Variants in DSCAML1 observed in about 807,000 individuals in gnomAD.
DSCAML1 encodes the protein cell adhesion molecule DSCAML1.
In DSCAML1, 38 loss-of-function variants were observed where a neutral mutation model predicts 200.5. The ratio of observed to expected loss-of-function variants is 0.19; its 90% CI spans 0.15 to 0.25. DSCAML1 has a LOEUF of 0.25. Ranked by LOEUF, DSCAML1 falls within the 10% of genes least tolerant of loss-of-function variation. The pLI, the probability that DSCAML1 is intolerant of heterozygous loss-of-function variation, is 1.00. For synonymous variants in DSCAML1, 1,215 were observed against 1,165.0 expected, an observed-to-expected ratio of 1.04 and a Z score of -0.87; for missense variants, 2,223 against 2,858.8, an observed-to-expected ratio of 0.78 and a Z score of 5.07.
At chr11:117,594,477 C>T (rs931817944) in intron 3 of DSCAML1, among the ~76,000 whole-genome samples, 1 of 152,242 alleles carries the variant, frequency 6.6e-6, no homozygotes, top group Admixed American at 6.5e-5. Context: ...CAGCAATGCA[C>T]GCACACCTGT....
chr11:117,639,763 T>A (rs1193490482), intron 3 of DSCAML1, among the ~76,000 whole-genome samples: 1 of 152,066 alleles, frequency 6.6e-6, no homozygotes, highest in Non-Finnish European at 1.5e-5. Flanking sequence ...CTGCCCAGTA[T>A]GAGAGAACTG....
intron 14 of DSCAML1, among the ~76,000 whole-genome samples, chr11:117,472,663 A>G (rs976708640): frequency 7.2e-5 from 11 of 152,140 alleles, no homozygotes; most frequent in African/African-American, 2.4e-4. Context: ...CACCAAAGAG[A>G]TTAACATGTT....
chr11:117,748,394 T>C (rs992044298), intron 3 of DSCAML1, among the ~76,000 whole-genome samples: 7 of 152,154 alleles, frequency 4.6e-5, no homozygotes, highest in African/African-American at 1.7e-4. Context: ...TCTCATACAA[T>C]AAGCCTGCTC....
intron 3 of DSCAML1, among the ~76,000 whole-genome samples, chr11:117,618,539 A>T (rs917610615): frequency 6.6e-6 from 1 of 152,050 alleles, no homozygotes. Context: ...AACCTTTTCT[A>T]CCATTCCAAG....
intron 3 of DSCAML1, among the ~76,000 whole-genome samples, chr11:117,723,546 T>A (rs539538425): frequency 6.6e-6 from 1 of 152,238 alleles, no homozygotes. Context: ...GCATGACTAG[T>A]TTACAGTGAA....
At chr11:117,589,744 G>A (rs956211225) in intron 3 of DSCAML1, among the ~76,000 whole-genome samples, 2 of 152,194 alleles carry the variant, frequency 1.3e-5, no homozygotes, top group Non-Finnish European at 2.9e-5. Context: ...AGTTCTTAGT[G>A]TACCTTAAAA....
intron 3 of DSCAML1, among the ~76,000 whole-genome samples, chr11:117,769,335 A>T (rs1180662052): frequency 6.2e-4 from 4 of 6,438 alleles, no homozygotes; most frequent in Admixed American, 6.7e-3. Flanking sequence ...TATATATATA[A>T]TATATATTTT....
chr11:117,803,707 C>T (rs950766560), intron 1 of DSCAML1, among the ~76,000 whole-genome samples: 6 of 152,146 alleles, frequency 3.9e-5, no homozygotes, highest in East Asian at 1.9e-4. Flanking sequence ...GGTCAGGGCT[C>T]CCCGCTTGCC....
At chr11:117,663,024 A>T (rs1432765047) in intron 3 of DSCAML1, among the ~76,000 whole-genome samples, 3 of 132,646 alleles carry the variant, frequency 2.3e-5, no homozygotes, top group African/African-American at 8.8e-5. Flanking sequence ...TACCACATCC[A>T]CTTGCCCCCC....
At chr11:117,759,724 T>C (rs1221593209) in intron 3 of DSCAML1, among the ~76,000 whole-genome samples, 1 of 115,348 alleles carries the variant, frequency 8.7e-6, no homozygotes, top group Non-Finnish European at 2.0e-5. Context: ...CACCCCCAGC[T>C]ACAGGGAGCA....
intron 8 of DSCAML1, among the ~76,000 whole-genome samples, chr11:117,509,742 C>G (rs1386228320): frequency 6.6e-6 from 1 of 152,172 alleles, no homozygotes; most frequent in Admixed American, 6.5e-5. Flanking sequence ...GTCAGCGGCG[C>G]CCTCTCCAGT....
At chr11:117,546,436 G>T (rs1242798284) in intron 3 of DSCAML1, among the ~76,000 whole-genome samples, 1 of 152,218 alleles carries the variant, frequency 6.6e-6, no homozygotes, top group Admixed American at 6.5e-5. Context: ...ATAAATGAAT[G>T]CATAGCTCTT....
intron 11 of DSCAML1, among the ~76,000 whole-genome samples, chr11:117,492,761 G>GGCA (rs1436034595): frequency 6.6e-6 from 1 of 152,218 alleles, no homozygotes. Context: ...AGCCTTCGAC[G>GGCA]GCAGCGGCAT....
At chr11:117,507,521 A>G (rs2049525485) in intron 8 of DSCAML1, among the ~76,000 whole-genome samples, 1 of 152,150 alleles carries the variant, frequency 6.6e-6, no homozygotes, top group Non-Finnish European at 1.5e-5. Flanking sequence ...CTTGATCAGG[A>G]GCTCTAGGTC....
intron 3 of DSCAML1, among the ~76,000 whole-genome samples, chr11:117,744,121 A>G (rs2054472382): frequency 6.6e-6 from 1 of 152,220 alleles, no homozygotes; most frequent in Non-Finnish European, 1.5e-5. Flanking sequence ...GGTACTGCTC[A>G]AAGCATTTCA....
intron 3 of DSCAML1, among the ~76,000 whole-genome samples, chr11:117,749,197 G>A (rs1280502184): frequency 6.6e-6 from 1 of 152,190 alleles, no homozygotes; most frequent in Non-Finnish European, 1.5e-5. Context: ...CAGGCCAGAC[G>A]GGGCTTGAGC....
chr11:117,686,139 G>T (rs1030099379), intron 3 of DSCAML1, among the ~76,000 whole-genome samples: 7 of 152,200 alleles, frequency 4.6e-5, no homozygotes, highest in African/African-American at 1.7e-4. Flanking sequence ...ACCTCCATGG[G>T]CTGACATGGT....
chr11:117,487,648 A>G, intron 11 of DSCAML1, among the ~76,000 whole-genome samples: 1 of 152,240 alleles, frequency 6.6e-6, no homozygotes, highest in East Asian at 1.9e-4. Context: ...AACATTAACC[A>G]AGAAATATCA....
At chr11:117,450,724 G>T in intron 19 of DSCAML1, 36 bp from the exon 20 acceptor site, 1 of 1,603,852 alleles carries the variant, frequency 6.2e-7, no homozygotes, top group Non-Finnish European at 8.5e-7. Flanking sequence ...TTGAGAGAAA[G>T]CAGGAGCACA....
Sources: gnomAD v4.1 joint callset for allele counts (sites outside exome capture counted in the v4.1 genomes callset) on GRCh38, gnomAD v4.1.1 for gene constraint, MANE v1.5 for transcripts, NCBI Gene and HGNC (gene_info 2026-07-23, HGNC 2026-07-21) for gene names.